Variants in GPR107 observed in about 807,000 individuals in gnomAD.
GPR107 encodes the protein protein GPR107.
A neutral mutation model predicts 75.5 loss-of-function variants in GPR107; 31 were observed. The ratio of observed to expected loss-of-function variants is 0.41; its 90% CI spans 0.31 to 0.55. GPR107 has a LOEUF of 0.55. Ranked by LOEUF, GPR107 falls within the 20% of genes least tolerant of loss-of-function variation. GPR107 has a pLI of 0.26. For synonymous variants in GPR107, 267 were observed against 251.3 expected (o/e 1.06, Z -0.59); for missense variants, 572 against 665.7 (o/e 0.86, Z 1.55).
intron 1 of GPR107, 26 bp downstream of exon 1, chr9:130,054,099 G>C: frequency 6.6e-7 from 1 of 1,510,574 alleles, no homozygotes; most frequent in East Asian, 2.5e-5. Flanking sequence ...GCCGGGCCGG[G>C]GGGCGGAGGC....
chr9:130,070,013 A>ATTTTTTTTTTT (rs1830166620), intron 1 of GPR107, among the ~76,000 whole-genome samples: 6 of 16,284 alleles, frequency 3.7e-4, no homozygotes, highest in Non-Finnish European at 5.9e-4. Context: ...TTTTTTTTTA[A>ATTTTTTTTTTT]ATTTTTTTGA....
chr9:130,063,935 G>A (rs1248870841), intron 1 of GPR107, among the ~76,000 whole-genome samples: 1 of 151,250 alleles, frequency 6.6e-6, no homozygotes, highest in East Asian at 1.9e-4. Flanking sequence ...CTCCCAAGTA[G>A]CTGGGACTAC....
intron 14 of GPR107, among the ~76,000 whole-genome samples, chr9:130,123,018 G>A (rs1001418213): frequency 6.6e-6 from 1 of 152,020 alleles, no homozygotes; most frequent in African/African-American, 2.4e-5. Flanking sequence ...AAAATGATGA[G>A]AACCAGAGAG....
rs1830542093 is a variant in GPR107, at chr9:130,083,547, A to G, written c.527-18A>G. The G allele has an allele frequency of 6.7e-7, 1 of 1,497,642 alleles. No homozygotes were observed. Among genetic ancestry groups the G allele is most frequent in the Non-Finnish European group, 8.9e-7 (1 of 1,125,236 alleles). The allele number at this position is 1,497,642 out of a possible 1,614,324, so 92.8% of individuals were successfully genotyped here. ...GTTGAGTCATGCAGCACTCTCTTTT[A>G]AATGTTCTTGCTTCTAGATGGTGGA... On this transcript the variant is annotated intron_variant, in intron 5 of 17. Transcript: ENST00000347136.
At chr9:130,128,481 C>T (rs997195350) in intron 16 of GPR107, among the ~76,000 whole-genome samples, 159 bp from the exon 17 acceptor site, 4 of 152,168 alleles carry the variant, frequency 2.6e-5, no homozygotes, top group African/African-American at 9.7e-5. Context: ...TAGGCCTCGG[C>T]AAGTCTAAGG....
chr9:130,119,897 G>T (rs1256963035), intron 14 of GPR107, among the ~76,000 whole-genome samples: 1 of 152,090 alleles, frequency 6.6e-6, no homozygotes, highest in African/African-American at 2.4e-5. Flanking sequence ...AGTGCCAGTG[G>T]CACAGTCACG....
chr9:130,084,269 A>T (rs1008812012), intron 6 of GPR107, among the ~76,000 whole-genome samples: 3 of 151,418 alleles, frequency 2.0e-5, no homozygotes, highest in African/African-American at 7.3e-5. Context: ...TTGGTGGTGC[A>T]TGCTTGTAAT....
Position 130,115,083 on chromosome 9 carries a change from A to G in GPR107, c.1306+7544A>G, listed in dbSNP as rs539967163. On this transcript the variant is annotated intron_variant, in intron 14 of 17. Transcript: ENST00000347136. ...TGCATCATGGCTGCAACTCATGTTT[A>G]TATATTTAATTCTTATTTTTCATCC... Among the ~76,000 whole-genome samples, 16 of 152,298 alleles carry G rather than the reference A, an allele frequency of 1.1e-4. No homozygotes were observed. In the East Asian group the frequency reaches 3.1e-3, roughly 29 times the overall value.
intron 1 of GPR107, among the ~76,000 whole-genome samples, chr9:130,054,439 T>C (rs1589472151): frequency 6.6e-6 from 1 of 152,196 alleles, no homozygotes; most frequent in South Asian, 2.1e-4. Context: ...CTGGCTTTCC[T>C]TGTCCGCGGT....
At chr9:130,129,029 T>C in intron 17 of GPR107, 1 of 337,118 alleles carries the variant, frequency 3.0e-6, no homozygotes. Context: ...AAGAACTCAG[T>C]GGCAAGAACT....
chr9:130,124,528 G>C (rs750431341), intron 14 of GPR107, among the ~76,000 whole-genome samples: 6 of 152,202 alleles, frequency 3.9e-5, no homozygotes, highest in Non-Finnish European at 8.8e-5. Flanking sequence ...AGTCCCAGTG[G>C]AGGTCACAGC....
At chr9:130,055,475 C>T (rs935376044) in intron 1 of GPR107, among the ~76,000 whole-genome samples, 1 of 148,560 alleles carries the variant, frequency 6.7e-6, no homozygotes, top group Non-Finnish European at 1.5e-5. Flanking sequence ...TTGCAGTGAG[C>T]CAAGATCCCG....
At chr9:130,114,051 A>ATTTTTTT (rs35152076) in intron 14 of GPR107, among the ~76,000 whole-genome samples, 60 of 81,168 alleles carry the variant, frequency 7.4e-4, no homozygotes, top group South Asian at 1.7e-3. Flanking sequence ...TTTTTTTTTC[A>ATTTTTTT]TTTTTTTTTT....
intron 1 of GPR107, among the ~76,000 whole-genome samples, chr9:130,067,735 TC>T (rs992244571): frequency 4.6e-5 from 5 of 108,710 alleles, no homozygotes; most frequent in African/African-American, 1.6e-4. Flanking sequence ...TGACTGGTAG[TC>T]CCCCCCCACC....
chr9:130,070,009 TTTA>T lies in GPR107; in HGVS notation c.142-5626_142-5624del, dbSNP rs1271196136. Among the ~76,000 whole-genome samples the T allele has an allele frequency of 1.7e-3, 42 of 25,306 alleles. 5 individuals carry two copies. The highest frequency in any genetic ancestry group is 2.4e-3 in the African/African-American group (21 of 8,596). The allele number at this position is 25,306 out of a possible 152,430, so 16.6% of individuals were successfully genotyped here. A position where few individuals can be genotyped will look rare whatever the true frequency, so the allele number is the denominator to read the frequency against. On this transcript the variant is annotated intron_variant, in intron 1 of 17. Coordinates refer to ENST00000347136, the MANE Select transcript of GPR107 (RefSeq NM_020960.5). ...CTTTTTTTTTTTTTTTTTTTTTTTTTTTAAATTTTTTTGAGACAGGGTCTTGCT... is the reference window on the plus strand; with the variant it reads ...CTTTTTTTTTTTTTTTTTTTTTTTTTAATTTTTTTGAGACAGGGTCTTGCT...
Position 130,075,684 on chromosome 9 carries a change from G to T in GPR107, c.190G>T (p.Asp64Tyr). The T allele has an allele frequency of 1.2e-6, 2 of 1,610,214 alleles. No individual in the cohort carries two copies. The highest frequency in any genetic ancestry group is 8.5e-7 in the Non-Finnish European group (1 of 1,176,504). The change falls in exon 2 of 18, where the codon GAT becomes TAT. Residue 64 changes from aspartate to tyrosine, a missense_variant. Physicochemically the swap from Asp to Tyr is radical, Grantham distance 160 (BLOSUM62 -3). Transcript: ENST00000347136. ...VHLNTFGFFK[D>Y]GYMVVNVSSL... ...TCTGAACACCTTTGGCTTCTTCAAG[G>T]ATGGGTACATGGTGGTGAATGTCAG...
At position 130,123,730 on chromosome 9, in the gene GPR107, AG is replaced by A. The variant is rs575064185; in HGVS notation, c.1307-1182del. Reference sequence around the variant, plus strand: ...GGCTGGTCTCAAACTCCTGGGCTCAAGGGATCCTCCCATCTTGGCTTCCCAA... The same window carrying A: ...GGCTGGTCTCAAACTCCTGGGCTCAAGGATCCTCCCATCTTGGCTTCCCAA... On this transcript the variant is annotated intron_variant, in intron 14 of 17. Coordinates refer to ENST00000347136, the MANE Select transcript of GPR107 (RefSeq NM_020960.5). Among the ~76,000 whole-genome samples the A allele has an allele frequency of 1.6e-3, 237 of 151,928 alleles. 1 individual carries two copies. Among genetic ancestry groups the A allele is most frequent in the African/African-American group, 5.6e-3 (233 of 41,410 alleles).
chr9:130,107,121 C>T (rs1831177591), intron 13 of GPR107, among the ~76,000 whole-genome samples: 2 of 152,160 alleles, frequency 1.3e-5, no homozygotes, highest in Non-Finnish European at 2.9e-5. Flanking sequence ...TGACTTTCTT[C>T]TAGGGTTTAT....
chr9:130,134,662 G>C (rs1554899669), intron 17 of GPR107, among the ~76,000 whole-genome samples: 1 of 152,366 alleles, frequency 6.6e-6, no homozygotes, highest in African/African-American at 2.4e-5. Flanking sequence ...TTAAGAGTCA[G>C]ATTTCAGTCT....
Sources: gnomAD v4.1 joint callset for allele counts (sites outside exome capture counted in the v4.1 genomes callset) on GRCh38, gnomAD v4.1.1 for gene constraint, MANE v1.5 for transcripts, NCBI Gene and HGNC (gene_info 2026-07-23, HGNC 2026-07-21) for gene names.